The following TMA16 variants were observed in gnomAD, a reference collection of about 807,000 sequenced individuals.
TMA16 encodes translation machinery-associated protein 16.
Under a neutral mutation model 27.1 loss-of-function variants are expected in TMA16, and 26 were observed. That is an observed-to-expected ratio of 0.96 (90% confidence interval 0.70 to 1.33). TMA16 has a LOEUF of 1.33. Ranked by LOEUF, TMA16 falls within the 40% of genes most tolerant of loss-of-function variation. TMA16 has a pLI of 0.00. For missense variants in TMA16, 233 were observed against 241.4 expected, an observed-to-expected ratio of 0.97 and a Z score of 0.23; for synonymous variants, 71 against 81.9, an observed-to-expected ratio of 0.87 and a Z score of 0.72.
At chr4:163,498,010 G>A (rs1737585519) in intron 1 of TMA16, among the ~76,000 whole-genome samples, 1 of 152,028 alleles carries the variant, frequency 6.6e-6, no homozygotes, top group Non-Finnish European at 1.5e-5. Flanking sequence ...TACATAAATG[G>A]TATACTGGAC....
intron 1 of TMA16, among the ~76,000 whole-genome samples, chr4:163,497,938 A>G (rs1737582714): frequency 6.6e-6 from 1 of 152,200 alleles, no homozygotes; most frequent in South Asian, 2.1e-4. Flanking sequence ...TTTCTTAGCT[A>G]TCAATTCAGA....
At chr4:163,497,962 T>C (rs2110786691) in intron 1 of TMA16, among the ~76,000 whole-genome samples, 1 of 152,356 alleles carries the variant, frequency 6.6e-6, no homozygotes, top group South Asian at 2.1e-4. Context: ...TTTATATGTA[T>C]GTACCAGCAT....
At chr4:163,517,202 T>C (rs1737893704) in intron 5 of TMA16, 1 of 502,664 alleles carries the variant, frequency 2.0e-6, no homozygotes, top group South Asian at 2.2e-5. Flanking sequence ...GCGCCTGGCC[T>C]AATAGCTTTG....
In TMA16 at chr4:163,494,811, C is replaced by G; in HGVS notation, c.3+7C>G. ...CCACGAGGACGTCACCATGGTGGGC[C>G]CCCTCCTGCTCCCCCGAACCGCTCG... On this transcript the variant is annotated splice_region_variant and intron_variant, in intron 1 of 6. Transcript: ENST00000358572. 6.2e-7 allele frequency: 1 copy of G among 1,611,966 alleles called. No individual in the cohort carries two copies. The highest frequency in any genetic ancestry group is 8.5e-7 in the Non-Finnish European group (1 of 1,180,030).
intron 2 of TMA16, among the ~76,000 whole-genome samples, chr4:163,508,170 T>C (rs540586924): frequency 1.7e-4 from 26 of 152,338 alleles, no homozygotes; most frequent in African/African-American, 6.3e-4. Context: ...CTTTTTAATA[T>C]GATTTATTAG....
At chr4:163,500,055 AGGCTTGCTAAGTAGT>A (rs1223094859) in intron 1 of TMA16, among the ~76,000 whole-genome samples, 1 of 152,198 alleles carries the variant, frequency 6.6e-6, no homozygotes, top group Non-Finnish European at 1.5e-5. Context: ...CTTGAAACCT[AGGCTTGCTAAGTAGT>A]GACTATTTTC....
At chr4:163,497,931 C>T (rs929711508) in intron 1 of TMA16, among the ~76,000 whole-genome samples, 1 of 152,180 alleles carries the variant, frequency 6.6e-6, no homozygotes, top group Non-Finnish European at 1.5e-5. Context: ...TTAACAGTTT[C>T]TTAGCTATCA....
At chr4:163,509,273 T>G (rs1737758588) in intron 2 of TMA16, among the ~76,000 whole-genome samples, 1 of 152,168 alleles carries the variant, frequency 6.6e-6, no homozygotes, top group Non-Finnish European at 1.5e-5. Context: ...AAAAGATGAT[T>G]GGTGACAAGA....
chr4:163,512,220 T>C (rs1737810127), intron 2 of TMA16, among the ~76,000 whole-genome samples: 1 of 152,180 alleles, frequency 6.6e-6, no homozygotes, highest in South Asian at 2.1e-4. Context: ...TTTTTGTTCA[T>C]GGCTGTATCC....
chr4:163,502,812 C>CA (rs1309545771), intron 1 of TMA16, among the ~76,000 whole-genome samples: 2 of 152,020 alleles, frequency 1.3e-5, no homozygotes, highest in Non-Finnish European at 2.9e-5. Flanking sequence ...AGATTCACTG[C>CA]AAAAAAAGTG....
At position 163,494,725 on chromosome 4, in the gene TMA16, G is replaced by A; in HGVS notation, c.-77G>A. On this transcript the variant is annotated 5_prime_UTR_variant, in exon 1 of 7. Transcript: ENST00000358572. Reference sequence around the variant, plus strand: ...TGGGATTCGGCCCGGGTGCTCTTGTGAGCTGCTGCTCCTGCGGTTGGTGAG... The same window carrying A: ...TGGGATTCGGCCCGGGTGCTCTTGTAAGCTGCTGCTCCTGCGGTTGGTGAG... 6.2e-7 allele frequency: 1 copy of A among 1,607,850 alleles called. No individual in the cohort carries two copies. Among genetic ancestry groups the A allele is most frequent in the South Asian group, 1.1e-5 (1 of 90,938 alleles).
chr4:163,514,189 T>C, intron 4 of TMA16, 31 bp downstream of exon 4: 1 of 1,549,040 alleles, frequency 6.5e-7, no homozygotes, highest in Non-Finnish European at 8.8e-7. Flanking sequence ...GAGCAAAGGG[T>C]CAGAAAAGGG....
chr4:163,494,881 G>A, intron 1 of TMA16, 77 bp downstream of exon 1: 5 of 1,597,662 alleles, frequency 3.1e-6, no homozygotes, highest in Non-Finnish European at 3.4e-6. Context: ...GAGAGGGAGG[G>A]TGCGGTTTCG....
intron 1 of TMA16, among the ~76,000 whole-genome samples, chr4:163,500,754 A>G (rs1354978212): frequency 6.6e-6 from 1 of 152,188 alleles, no homozygotes; most frequent in Non-Finnish European, 1.5e-5. Context: ...TCCCAGGAGC[A>G]ATTAATTTAG....
chr4:163,499,319 T>G (rs144389133), intron 1 of TMA16, among the ~76,000 whole-genome samples: 29 of 152,306 alleles, frequency 1.9e-4, no homozygotes, highest in African/African-American at 7.0e-4. Context: ...TAAGTTTTTA[T>G]GTAGATTTGT....
chr4:163,499,402 G>T (rs1332074207), intron 1 of TMA16, among the ~76,000 whole-genome samples: 1 of 152,072 alleles, frequency 6.6e-6, no homozygotes, highest in Non-Finnish European at 1.5e-5. Context: ...AAAAAAATAA[G>T]AAAATCTTTT....
chr4:163,495,267 A>G (rs1160046248), intron 1 of TMA16, among the ~76,000 whole-genome samples: 1 of 152,168 alleles, frequency 6.6e-6, no homozygotes, highest in African/African-American at 2.4e-5. Flanking sequence ...TTACGCCCCC[A>G]TTCGCTCCAG....
At chr4:163,506,218 C>T (rs1737716972) in intron 1 of TMA16, among the ~76,000 whole-genome samples, 1 of 152,104 alleles carries the variant, frequency 6.6e-6, no homozygotes, top group South Asian at 2.1e-4. Context: ...GAGGTATAGC[C>T]TGAGGCTAGT....
intron 1 of TMA16, among the ~76,000 whole-genome samples, chr4:163,495,439 C>T (rs1053516617): frequency 2.0e-5 from 3 of 152,150 alleles, no homozygotes; most frequent in African/African-American, 7.2e-5. Context: ...CCCTGTGTTA[C>T]CTTCTTTGAA....
Sources: gnomAD v4.1 joint callset for allele counts (sites outside exome capture counted in the v4.1 genomes callset) on GRCh38, gnomAD v4.1.1 for gene constraint, MANE v1.5 for transcripts, NCBI Gene and HGNC (gene_info 2026-07-23, HGNC 2026-07-21) for gene names.